Variants in GRK3 observed in about 807,000 individuals in gnomAD.
GRK3 encodes adrenergic, beta, receptor kinase 2.
Under a neutral mutation model 95.7 loss-of-function variants are expected in GRK3, and 54 were observed. The observed-to-expected ratio is 0.56, with a 90% confidence interval of 0.45 to 0.71. The LOEUF (loss-of-function observed/expected upper bound fraction) is 0.71, where lower values mean the gene tolerates loss of function less well. Ranked by LOEUF, GRK3 falls within the 30% of genes least tolerant of loss-of-function variation. GRK3 has a pLI of 0.00. For synonymous variants in GRK3, 281 were observed against 290.8 expected (o/e 0.97, Z 0.34); for missense variants, 649 against 851.2 (o/e 0.76, Z 2.96).
At chr22:25,669,006 G>A (rs1029853994) in intron 6 of GRK3, among the ~76,000 whole-genome samples, 1 of 151,962 alleles carries the variant, frequency 6.6e-6, no homozygotes, top group Non-Finnish European at 1.5e-5. Flanking sequence ...CAGGCACATG[G>A]GATTTTCTGC....
chr22:25,685,479 A>G (rs1308550339), intron 10 of GRK3, among the ~76,000 whole-genome samples: 1 of 152,240 alleles, frequency 6.6e-6, no homozygotes, highest in Non-Finnish European at 1.5e-5. Context: ...AGATTCTAGA[A>G]AAGATTATCA....
intron 3 of GRK3, among the ~76,000 whole-genome samples, chr22:25,646,913 C>T (rs1284697616): frequency 6.8e-6 from 1 of 147,784 alleles, no homozygotes; most frequent in African/African-American, 2.5e-5. Context: ...TTCAGCTACT[C>T]AAGAGGCTGA....
chr22:25,647,265 G>A, intron 3 of GRK3: 2 of 911,102 alleles, frequency 2.2e-6, no homozygotes, highest in South Asian at 2.8e-5. Context: ...TTTGATAATG[G>A]GCTGCATTAA....
At chr22:25,651,390 C>T (rs1340302990) in intron 3 of GRK3, among the ~76,000 whole-genome samples, 1 of 152,166 alleles carries the variant, frequency 6.6e-6, no homozygotes, top group Non-Finnish European at 1.5e-5. Flanking sequence ...ATGGCATATA[C>T]GTTCAAATTC....
intron 8 of GRK3, among the ~76,000 whole-genome samples, chr22:25,675,596 A>G (rs1218573526): frequency 6.6e-6 from 1 of 152,178 alleles, no homozygotes; most frequent in Non-Finnish European, 1.5e-5. Context: ...GTGGAGTAGT[A>G]TAGTGTGTGA....
chr22:25,639,647 A>G (rs2084728556), intron 2 of GRK3, among the ~76,000 whole-genome samples: 1 of 152,116 alleles, frequency 6.6e-6, no homozygotes, highest in East Asian at 1.9e-4. Flanking sequence ...TGGGTATTCT[A>G]GGTTTTTTGC....
At chr22:25,720,557 A>G (rs1405046896) in intron 19 of GRK3, among the ~76,000 whole-genome samples, 1 of 144,990 alleles carries the variant, frequency 6.9e-6, no homozygotes, top group Non-Finnish European at 1.5e-5. Context: ...GCTCACTGCA[A>G]CCTCCACCTC....
intron 8 of GRK3, among the ~76,000 whole-genome samples, chr22:25,676,953 T>TA (rs1463543724): frequency 5.3e-5 from 8 of 152,126 alleles, no homozygotes; most frequent in Non-Finnish European, 5.9e-5. Context: ...GGTGCACCCC[T>TA]AGGAGCCTGT....
At chr22:25,669,375 A>G (rs566169450) in intron 6 of GRK3, among the ~76,000 whole-genome samples, 1 of 152,286 alleles carries the variant, frequency 6.6e-6, no homozygotes, top group Admixed American at 6.5e-5. Flanking sequence ...TCCCTCTTCT[A>G]GTTGAGAGCT....
In GRK3 at chr22:25,605,372, T is replaced by C. The variant is rs187646056; in HGVS notation, c.190+919T>C. ...GTTTGGCTTTCATTTTGTTAGTTCTTACGGCTTCTCATTACTTTCATGGTG... is the reference window on the plus strand; with the variant it reads ...GTTTGGCTTTCATTTTGTTAGTTCTCACGGCTTCTCATTACTTTCATGGTG... On this transcript the variant is annotated intron_variant, in intron 2 of 20. Transcript: ENST00000324198. Among the ~76,000 whole-genome samples, 34 of 152,362 alleles carry C rather than the reference T, an allele frequency of 2.2e-4. No individual in the cohort carries two copies. The East Asian group carries it at 4.2e-3, about 19-fold the overall frequency.
At chr22:25,670,881 C>CA (rs71191074) in intron 6 of GRK3, among the ~76,000 whole-genome samples, 16,809 of 65,526 alleles carry the variant, frequency 0.26, 2,321 homozygotes, top group African/African-American at 0.47. Context: ...ACTAAAAATA[C>CA]AAAAAAAAAA....
At chr22:25,578,776 C>G (rs1437456294) in intron 1 of GRK3, among the ~76,000 whole-genome samples, 1 of 152,076 alleles carries the variant, frequency 6.6e-6, no homozygotes, top group Admixed American at 6.5e-5. Context: ...CATGTGAGAC[C>G]GCAGTCCTAC....
rs369677337 is a variant in GRK3, at chr22:25,638,512, C to T, written c.191-6080C>T. 5.3e-5 allele frequency among the ~76,000 whole-genome samples: 8 copies of T among 152,280 alleles called. No homozygotes were observed. In the South Asian group the frequency reaches 1.0e-3, roughly 20 times the overall value. On this transcript the variant is annotated intron_variant, in intron 2 of 20. Transcript: ENST00000324198. ...CTTTACCATCAGCAAGCACCTCAGT[C>T]GGTCATAGTTCTGTACCTGGTGGGA... is the stretch of plus-strand genomic sequence containing the variant.
chr22:25,697,966 C>T (rs1388284294), intron 13 of GRK3, among the ~76,000 whole-genome samples: 3 of 151,950 alleles, frequency 2.0e-5, no homozygotes, highest in African/African-American at 7.3e-5. Context: ...ACATTTTTGA[C>T]TTAAGTGATT....
Position 25,722,896 on chromosome 22 carries a change from C to G in GRK3, c.*446C>G, listed in dbSNP as rs2085444838. 1 of 153,156 alleles carries G rather than the reference C, an allele frequency of 6.5e-6. No homozygotes were observed. The highest frequency in any genetic ancestry group is 1.5e-5 in the Non-Finnish European group (1 of 68,756). 9.5% of individuals were successfully genotyped at this position (153,156 alleles called of 1,614,324 possible). ...GGGATGGGAGAGCCACAGTGTGTTT[C>G]TTTTGTGCACTTCGCAACTGACTTC... is the stretch of plus-strand genomic sequence containing the variant. On this transcript the variant is annotated 3_prime_UTR_variant, in exon 21 of 21. Transcript: ENST00000324198.
At chr22:25,716,627 A>T (rs912418626) in intron 18 of GRK3, among the ~76,000 whole-genome samples, 9 of 152,228 alleles carry the variant, frequency 5.9e-5, no homozygotes, top group African/African-American at 1.9e-4. Context: ...TGAAAAAAAA[A>T]AATTATAATA....
At chr22:25,577,673 G>A (rs982616254) in intron 1 of GRK3, among the ~76,000 whole-genome samples, 4 of 152,162 alleles carry the variant, frequency 2.6e-5, no homozygotes, top group Admixed American at 6.5e-5. Context: ...AGTAATGCAC[G>A]TGGAGCTTTT....
intron 13 of GRK3, among the ~76,000 whole-genome samples, chr22:25,695,437 T>C (rs1196808821): frequency 6.6e-6 from 1 of 152,208 alleles, no homozygotes; most frequent in Non-Finnish European, 1.5e-5. Flanking sequence ...TTCTGTACCA[T>C]GTAGGAATCA....
At chr22:25,603,440 CA>C (rs1183178687) in intron 1 of GRK3, among the ~76,000 whole-genome samples, 1 of 152,160 alleles carries the variant, frequency 6.6e-6, no homozygotes, top group African/African-American at 2.4e-5. Context: ...TATTATATGT[CA>C]AAGTTGAATG....
Sources: allele counts gnomAD v4.1 joint callset (sites outside exome capture counted in the v4.1 genomes callset), GRCh38; gene constraint gnomAD v4.1.1; transcripts MANE v1.5; gene names NCBI Gene and HGNC (gene_info 2026-07-23, HGNC 2026-07-21).